APLF: variants seen among roughly 807,000 people sequenced by gnomAD.
APLF encodes the protein aprataxin and PNK-like factor.
APLF carries 61 observed loss-of-function variants against 55.6 expected under a neutral mutation model. The ratio of observed to expected loss-of-function variants is 1.10; its 90% CI spans 0.89 to 1.36. The LOEUF (loss-of-function observed/expected upper bound fraction) is 1.36, where lower values mean the gene tolerates loss of function less well. Among genes scored for constraint, APLF ranks in the 40% most tolerant of loss-of-function variants. APLF has a pLI of 0.00. For synonymous variants in APLF, 207 were observed against 214.8 expected (o/e 0.96, Z 0.32); for missense variants, 611 against 602.5 (o/e 1.01, Z -0.15).
chr2:68,552,187 T>G (rs1240414899), intron 8 of APLF, among the ~76,000 whole-genome samples: 1 of 152,150 alleles, frequency 6.6e-6, no homozygotes, highest in East Asian at 1.9e-4. Context: ...CCAGTGGGAC[T>G]TTGTCTCTGA....
intron 1 of APLF, among the ~76,000 whole-genome samples, chr2:68,479,832 C>T (rs1675894848): frequency 6.6e-6 from 1 of 152,126 alleles, no homozygotes; most frequent in African/African-American, 2.4e-5. Flanking sequence ...ACACCTTTGC[C>T]ACCCTGAGAT....
At position 68,579,845 on chromosome 2, in the gene APLF, G is replaced by A. The variant is rs976709025; in HGVS notation, c.*1823G>A. Reference sequence around the variant, plus strand: ...GGATTTCCTTTTGAGTGATAAAAATGTTCTAAGATTAGATGGCAGTGATGG... The same window carrying A: ...GGATTTCCTTTTGAGTGATAAAAATATTCTAAGATTAGATGGCAGTGATGG... On this transcript the variant is annotated 3_prime_UTR_variant, in exon 10 of 10. Coordinates refer to ENST00000303795, the MANE Select transcript of APLF (RefSeq NM_173545.3). 1.3e-5 allele frequency: 3 copies of A among 230,774 alleles called. No homozygotes were observed. Among genetic ancestry groups the A allele is most frequent in the Middle Eastern group, 2.2e-3 (1 of 462 alleles). The allele number at this position is 230,774 out of a possible 1,614,324, so 14.3% of individuals were successfully genotyped here. A position where few individuals can be genotyped will look rare whatever the true frequency, so the allele number is the denominator to read the frequency against.
chr2:68,482,612 G>C (rs533617972), intron 1 of APLF, among the ~76,000 whole-genome samples: 1 of 152,264 alleles, frequency 6.6e-6, no homozygotes, highest in African/African-American at 2.4e-5. Flanking sequence ...ATCAGACTTA[G>C]GGTGCAGACA....
intron 8 of APLF, 108 bp from the exon 9 acceptor site, chr2:68,567,233 T>C: frequency 1.1e-6 from 1 of 899,316 alleles, no homozygotes; most frequent in South Asian, 1.6e-5. Context: ...AGAGGCCTAT[T>C]GGGTCCTAAG....
rs1670444205 is a variant in APLF, at chr2:68,538,038, G to A, written c.971G>A (p.Cys324Tyr). 1 of 1,614,138 alleles carries A rather than the reference G, an allele frequency of 6.2e-7. No homozygotes were observed. The highest frequency in any genetic ancestry group is 1.7e-5 in the Admixed American group (1 of 59,994). ...CATAAAGAAGATGAGGCAATGAGCT[G>A]TTCTGAAAATTGTTCGAGTGCCCAG... ...TPHKEDEAMSCSENCSSAQGD... is the reference protein window; with the variant it reads ...TPHKEDEAMSYSENCSSAQGD... The change falls in exon 7 of 10, where the codon TGT (cysteine) becomes TAT (tyrosine). Residue 324 changes from cysteine to tyrosine, a missense_variant. Transcript: ENST00000303795.
intron 7 of APLF, among the ~76,000 whole-genome samples, chr2:68,542,683 A>T (rs1237535342): frequency 1.3e-5 from 2 of 152,166 alleles, no homozygotes; most frequent in African/African-American, 2.4e-5. Flanking sequence ...ATGTGGAAAA[A>T]TTGGAACCTT....
At chr2:68,499,047 A>G (rs1676641747) in intron 2 of APLF, among the ~76,000 whole-genome samples, 1 of 152,270 alleles carries the variant, frequency 6.6e-6, no homozygotes, top group South Asian at 2.1e-4. Flanking sequence ...AAACAAACAA[A>G]CAAAACACTG....
rs776550384 is a variant in APLF at position 68,513,552 on chromosome 2, T to C, written c.494T>C (p.Phe165Ser). The change falls in exon 5 of 10, where the codon TTC (phenylalanine) becomes TCC (serine). Residue 165 changes from phenylalanine to serine, a missense_variant. Phe to Ser is a radical substitution (Grantham distance 155). Coordinates refer to ENST00000303795, the MANE Select transcript of APLF (RefSeq NM_173545.3). ...AATTTATAGGTGTCTTTTTAGTCTT[T>C]CCTAGGTGAAAATAGAGACTGCAAT... is the stretch of plus-strand genomic sequence containing the variant. Reference protein sequence around the residue: ...TQMTPTNSVSFLGENRDCNKQ... With the variant: ...TQMTPTNSVSSLGENRDCNKQ... 65 of 1,610,100 alleles carry C rather than the reference T, an allele frequency of 4.0e-5. No homozygotes were observed. The South Asian group carries it at 6.9e-4, about 17-fold the overall frequency.
chr2:68,556,620 A>G (rs1224479075), intron 8 of APLF, among the ~76,000 whole-genome samples: 1 of 152,220 alleles, frequency 6.6e-6, no homozygotes, highest in South Asian at 2.1e-4. Flanking sequence ...CTTAGAATAT[A>G]AACACACTGA....
chr2:68,499,626 G>A (rs971544055), intron 2 of APLF, among the ~76,000 whole-genome samples: 2 of 152,106 alleles, frequency 1.3e-5, no homozygotes, highest in African/African-American at 4.8e-5. Flanking sequence ...ATCACTTGAG[G>A]CCAGGAGTTT....
chr2:68,469,427 T>A (rs1425858561), intron 1 of APLF, among the ~76,000 whole-genome samples: 1 of 152,206 alleles, frequency 6.6e-6, no homozygotes, highest in South Asian at 2.1e-4. Flanking sequence ...GTTGTCGACT[T>A]GCTAATGTGA....
chr2:68,516,707 G>A (rs1029066473), intron 5 of APLF, among the ~76,000 whole-genome samples: 1 of 149,618 alleles, frequency 6.7e-6, no homozygotes, highest in East Asian at 1.9e-4. Context: ...TCATTCCTGA[G>A]TTACTTTACT....
intron 1 of APLF, among the ~76,000 whole-genome samples, chr2:68,475,548 C>A (rs946875007): frequency 1.6e-4 from 25 of 152,156 alleles, no homozygotes; most frequent in Admixed American, 6.5e-4. Flanking sequence ...AATATATTAA[C>A]CTTTTAAAGA....
chr2:68,546,075 A>G (rs1443270142), intron 8 of APLF, among the ~76,000 whole-genome samples: 2 of 152,104 alleles, frequency 1.3e-5, no homozygotes, highest in Admixed American at 6.6e-5. Flanking sequence ...TGTGGTTTTC[A>G]ATGAGAAGGC....
intron 1 of APLF, among the ~76,000 whole-genome samples, chr2:68,472,891 C>G (rs947799211): frequency 2.6e-5 from 4 of 152,140 alleles, no homozygotes; most frequent in African/African-American, 7.2e-5. Context: ...AGGTTCACAG[C>G]AAAACTGAGT....
At chr2:68,504,268 A>C (rs1055468628) in intron 3 of APLF, among the ~76,000 whole-genome samples, 5 of 151,902 alleles carry the variant, frequency 3.3e-5, no homozygotes, top group African/African-American at 1.2e-4. Context: ...CTTTTTTCTC[A>C]AAAAATAAAA....
Position 68,578,324 on chromosome 2 carries a change from C to A in APLF, c.*302C>A. On this transcript the variant is annotated 3_prime_UTR_variant, in exon 10 of 10. Transcript: ENST00000303795. Reference sequence around the variant, plus strand: ...TATATTGGTAATAAAAAGTAAAAGCCATAGGTTGCATAAAACTTTGGTCTT... The same window carrying A: ...TATATTGGTAATAAAAAGTAAAAGCAATAGGTTGCATAAAACTTTGGTCTT... 1 of 1,054,828 alleles carries A rather than the reference C, an allele frequency of 9.5e-7. No individual in the cohort carries two copies. Among genetic ancestry groups the A allele is most frequent in the Non-Finnish European group, 1.1e-6 (1 of 872,806 alleles). 65.3% of individuals were successfully genotyped at this position (1,054,828 alleles called of 1,614,324 possible).
intron 8 of APLF, among the ~76,000 whole-genome samples, chr2:68,566,609 A>C (rs1427697265): frequency 6.6e-6 from 1 of 152,116 alleles, no homozygotes; most frequent in African/African-American, 2.4e-5. Flanking sequence ...GTGCTTTGTC[A>C]GTTCCCTAAG....
chr2:68,538,781 A>G (rs1670474079), intron 7 of APLF, among the ~76,000 whole-genome samples: 1 of 152,112 alleles, frequency 6.6e-6, no homozygotes, highest in Admixed American at 6.5e-5. Flanking sequence ...ATAATCTCTT[A>G]GTTTTAGGCT....
Sources: allele counts gnomAD v4.1 joint callset (sites outside exome capture counted in the v4.1 genomes callset), GRCh38; gene constraint gnomAD v4.1.1; transcripts MANE v1.5; gene names NCBI Gene and HGNC (gene_info 2026-07-23, HGNC 2026-07-21).